The following NSD3 variants were observed in gnomAD, a reference collection of about 807,000 sequenced individuals.
The protein encoded by NSD3 is nuclear receptor binding SET domain protein 3, also known as histone-lysine N-methyltransferase NSD3.
In NSD3, 24 loss-of-function variants were observed where a neutral mutation model predicts 160.8. The observed-to-expected ratio is 0.15, with a 90% confidence interval of 0.11 to 0.21. The LOEUF (loss-of-function observed/expected upper bound fraction) is 0.21, where lower values mean the gene tolerates loss of function less well. NSD3 is among the 10% of genes least tolerant of loss of function. The pLI is 1.00. For synonymous variants in NSD3, 520 were observed against 600.0 expected (o/e 0.87, Z 1.95); for missense variants, 1,157 against 1,735.9 (o/e 0.67, Z 5.93).
Position 38,347,943 on chromosome 8 carries a change from T to C in NSD3, c.229A>G (p.Ile77Val), listed in dbSNP as rs182796258. ...PPLTNGYPSS[I>V]SVYETQTKYQ... ...TTGGTTTGAGTTTCATACACACTGATTGATGATGGATACCCATTTGTGAGT... is the reference window on the plus strand; with the variant it reads ...TTGGTTTGAGTTTCATACACACTGACTGATGATGGATACCCATTTGTGAGT... Residue 77 changes from isoleucine to valine, a missense_variant, in exon 2 of 24, where the codon ATC becomes GTC. Physicochemically the swap from Ile to Val is conservative, Grantham distance 29 (BLOSUM62 3). Around this residue, in one of 10 missense-constraint regions of NSD3, gnomAD observed 121 missense variants for 177.2 expected, o/e 0.68. Coordinates refer to ENST00000317025, the MANE Select transcript of NSD3 (RefSeq NM_023034.2). 64 of 1,614,192 alleles carry C rather than the reference T, an allele frequency of 4.0e-5. No homozygotes were observed. Among genetic ancestry groups the C allele is most frequent in the African/African-American group, 5.3e-5 (4 of 75,046 alleles).
At chr8:38,371,874 T>A (rs887941320) in intron 1 of NSD3, among the ~76,000 whole-genome samples, 1 of 152,216 alleles carries the variant, frequency 6.6e-6, no homozygotes, top group Admixed American at 6.5e-5. Context: ...TTTTCTGCTA[T>A]CCTAATCCTC....
chr8:38,326,984 T>C, intron 6 of NSD3, 128 bp from the exon 7 acceptor site: 1 of 981,910 alleles, frequency 1.0e-6, no homozygotes, highest in Non-Finnish European at 1.4e-6. Flanking sequence ...TGATTGCAAT[T>C]AAGTTATCTT....
intron 1 of NSD3, among the ~76,000 whole-genome samples, chr8:38,371,811 T>C (rs946000119): frequency 3.9e-5 from 6 of 152,196 alleles, no homozygotes; most frequent in Non-Finnish European, 8.8e-5. Context: ...GGCAGAGTTG[T>C]ACGCAAATAG....
chr8:38,289,493 G>A lies in NSD3; in HGVS notation c.3131C>T (p.Ala1044Val). Residue 1044 changes from alanine (A) to valine (V), a missense_variant, in exon 18 of 24, where the codon GCT becomes GTT. Physicochemically the swap from Ala to Val is moderately conservative, Grantham distance 64. This residue lies in a region of NSD3 where 437 missense variants were observed against 576.6 expected (regional missense o/e 0.76). Coordinates refer to ENST00000317025, the MANE Select transcript of NSD3 (RefSeq NM_023034.2). The stretch of plus-strand genomic sequence containing the variant: ...TTTCAATTCCTGGAAACGTTTTGCA[G>A]CTTCTTCCAGTGCTGCCAATAAGAT... ...NKTFKKALEEAAKRFQELKAQ... is the reference protein window; with the variant it reads ...NKTFKKALEEVAKRFQELKAQ... 1 of 1,613,276 alleles carries A rather than the reference G, an allele frequency of 6.2e-7. No individual in the cohort carries two copies. The highest frequency in any genetic ancestry group is 8.5e-7 in the Non-Finnish European group (1 of 1,179,754).
At chr8:38,277,569 G>A (rs755302014) in intron 22 of NSD3, among the ~76,000 whole-genome samples, 6 of 152,182 alleles carry the variant, frequency 3.9e-5, no homozygotes, top group African/African-American at 7.2e-5. Context: ...GAGCCACCAC[G>A]CCCAGCCAGG....
At chr8:38,326,909 TG>T in intron 6 of NSD3, 53 bp from the exon 7 acceptor site, 1 of 1,602,268 alleles carries the variant, frequency 6.2e-7, no homozygotes, top group Non-Finnish European at 8.5e-7. Flanking sequence ...ACCAGGCAAG[TG>T]GCATCATGGG....
chr8:38,344,687 T>C (rs1278181486), intron 2 of NSD3, among the ~76,000 whole-genome samples: 4 of 152,192 alleles, frequency 2.6e-5, no homozygotes, highest in Non-Finnish European at 5.9e-5. Context: ...AAAAAATCTA[T>C]ATAAAAGCAA....
In NSD3 at chr8:38,288,343, G is replaced by GT. The variant is rs1808914695; in HGVS notation, c.3501+143_3501+144insA. The GT allele has an allele frequency of 2.5e-6, 3 of 1,187,384 alleles. No homozygotes were observed. The highest frequency in any genetic ancestry group is 3.5e-6 in the Non-Finnish European group (3 of 859,438). 73.6% of individuals were successfully genotyped at this position (1,187,384 alleles called of 1,614,324 possible). A position where few individuals can be genotyped will look rare whatever the true frequency, so the allele number is the denominator to read the frequency against. The stretch of plus-strand genomic sequence containing the variant: ...CTTCCTACTACTCTTCTTTGCTCAA[G>GT]AAGTACCAAACTCTCAACATGGAAA... On this transcript the variant is annotated intron_variant, in intron 19 of 23. Coordinates refer to ENST00000317025, the MANE Select transcript of NSD3 (RefSeq NM_023034.2). This position sits in a 1 kb window ranked among gnomAD's most constrained non-coding sequence, Gnocchi z 4.5.
intron 1 of NSD3, among the ~76,000 whole-genome samples, chr8:38,371,565 A>G (rs1811243119): frequency 6.6e-6 from 1 of 152,236 alleles, no homozygotes; most frequent in Admixed American, 6.5e-5. Flanking sequence ...CAAGAAATAT[A>G]TTTAACCTTC....
rs1808909070 is a variant in NSD3 at position 38,288,079 on chromosome 8, G to A, written c.3501+408C>T. Among the ~76,000 whole-genome samples, 1 of 152,064 alleles carries A rather than the reference G, an allele frequency of 6.6e-6. No homozygotes were observed. Among genetic ancestry groups the A allele is most frequent in the Non-Finnish European group, 1.5e-5 (1 of 68,008 alleles). ...TGAGACCCTATCCAGCTACTCGGGA[G>A]GCTGAAGTGGGAGGATCTCTTGAGC... On this transcript the variant is annotated intron_variant, in intron 19 of 23. Coordinates refer to ENST00000317025, the MANE Select transcript of NSD3 (RefSeq NM_023034.2). The surrounding 1 kb of genome is among the most constrained non-coding windows in gnomAD (Gnocchi z 4.5).
At chr8:38,377,607 C>T (rs1273051458) in intron 1 of NSD3, among the ~76,000 whole-genome samples, 1 of 152,178 alleles carries the variant, frequency 6.6e-6, no homozygotes, top group Non-Finnish European at 1.5e-5. Flanking sequence ...CCTCAGCCTC[C>T]CTCCCAAAGC....
intron 14 of NSD3, 120 bp downstream of exon 14, chr8:38,304,467 G>T: frequency 1.1e-6 from 1 of 907,160 alleles, no homozygotes; most frequent in Non-Finnish European, 1.6e-6. Context: ...GTGGAATTCT[G>T]CACTGGGTAG....
At chr8:38,293,646 G>A (rs1218549818) in intron 16 of NSD3, among the ~76,000 whole-genome samples, 1 of 151,694 alleles carries the variant, frequency 6.6e-6, no homozygotes, top group Non-Finnish European at 1.5e-5. Flanking sequence ...TTTAGAGCCG[G>A]GCACAGTGGC....
In NSD3 at chr8:38,314,673, T is replaced by C. The variant is rs759424692; in HGVS notation, c.2216A>G (p.Lys739Arg). Residue 739 changes from lysine to arginine, a missense_variant, in exon 12 of 24, where the codon AAG becomes AGG. Around this residue, in one of 10 missense-constraint regions of NSD3, gnomAD observed 437 missense variants for 576.6 expected, o/e 0.76. Transcript: ENST00000317025. ...AGTTTTACATTCCATGCAGATGAAC[T>C]TGCTATCAGGAAGTGATGCCAATCC... is the stretch of plus-strand genomic sequence containing the variant. ...CLGLASLPDS[K>R]FICMECKTGQ... 12 of 1,614,100 alleles carry C rather than the reference T, an allele frequency of 7.4e-6. No homozygotes were observed. Among genetic ancestry groups the C allele is most frequent in the African/African-American group, 1.3e-5 (1 of 74,938 alleles).
chr8:38,281,620 T>C (rs1295744461), intron 19 of NSD3, 37 bp from the exon 20 acceptor site: 3 of 1,430,806 alleles, frequency 2.1e-6, no homozygotes, highest in Non-Finnish European at 1.9e-6. Flanking sequence ...TTAAAATCAG[T>C]GTATTATATA....
intron 1 of NSD3, among the ~76,000 whole-genome samples, chr8:38,363,541 C>G (rs1212283661): frequency 2.7e-5 from 4 of 148,220 alleles, no homozygotes; most frequent in Non-Finnish European, 5.9e-5. Flanking sequence ...ACTCTGGAGG[C>G]TGAGGCAGGA....
At chr8:38,302,643 G>A (rs571689621) in intron 14 of NSD3, among the ~76,000 whole-genome samples, 1 of 152,192 alleles carries the variant, frequency 6.6e-6, no homozygotes, top group Non-Finnish European at 1.5e-5. Flanking sequence ...AGTGGCTAGA[G>A]TTTCTATAAG....
intron 1 of NSD3, among the ~76,000 whole-genome samples, chr8:38,381,168 A>C (rs1487000146): frequency 6.6e-6 from 1 of 151,922 alleles, no homozygotes; most frequent in African/African-American, 2.4e-5. Flanking sequence ...GATCGTTCTC[A>C]TCCCTGTCAT....
chr8:38,304,716 A>G lies in NSD3; in HGVS notation c.2482T>C (p.Ser828Pro). The stretch of plus-strand genomic sequence containing the variant: ...CCGGCCGCAATGCAAGCATCTCCAG[A>G]GTGATAGGCAACTGGACATCTTAAA... ...RCLRCPVAYH[S>P]GDACIAAGSM... is the part of the protein sequence containing the mutation. The change falls in exon 14 of 24, where the codon TCT becomes CCT. Residue 828 changes from serine (S) to proline (P), a missense_variant. By Grantham distance (74) the Ser-to-Pro change is moderately conservative. This residue lies in a region of NSD3 where 437 missense variants were observed against 576.6 expected (regional missense o/e 0.76). Coordinates refer to ENST00000317025, the MANE Select transcript of NSD3 (RefSeq NM_023034.2). 1 of 1,613,760 alleles carries G rather than the reference A, an allele frequency of 6.2e-7. No individual in the cohort carries two copies. Among genetic ancestry groups the G allele is most frequent in the Non-Finnish European group, 8.5e-7 (1 of 1,179,890 alleles).
Sources: gnomAD v4.1 joint callset for allele counts (sites outside exome capture counted in the v4.1 genomes callset) on GRCh38, gnomAD v4.1.1 for gene constraint, gnomAD v4.1.1 regional missense constraint, Gnocchi (gnomAD v3.1) non-coding constraint, MANE v1.5 for transcripts, NCBI Gene and HGNC (gene_info 2026-07-23, HGNC 2026-07-21) for gene names.